TG: variants seen among roughly 807,000 people sequenced by gnomAD.
TG encodes thyroglobulin.
Under a neutral mutation model 324.7 loss-of-function variants are expected in TG, and 270 were observed. That is an observed-to-expected ratio of 0.83 (90% CI 0.75 to 0.92). TG has a LOEUF of 0.92. Among genes scored for constraint, TG ranks in the 40% least tolerant of loss-of-function variants. The probability of loss-of-function intolerance (pLI) is 0.00; values close to 1 mark genes in which losing one functional copy is unlikely to be tolerated. For synonymous variants in TG, 1,401 were observed against 1,327.0 expected (o/e 1.06, Z -1.21); for missense variants, 3,591 against 3,456.4 (o/e 1.04, Z -0.98).
intron 41 of TG, among the ~76,000 whole-genome samples, chr8:133,066,029 C>T (rs948261405): frequency 2.6e-5 from 4 of 152,004 alleles, no homozygotes; most frequent in African/African-American, 7.2e-5. Flanking sequence ...AGGAGTGAAT[C>T]GCAAGGAATG....
At chr8:133,043,680 C>T (rs1838756790) in intron 41 of TG, among the ~76,000 whole-genome samples, 1 of 152,170 alleles carries the variant, frequency 6.6e-6, no homozygotes, top group Non-Finnish European at 1.5e-5. Context: ...CTCTCCTGAG[C>T]AGCCATTTTT....
In TG at chr8:132,997,504, G is replaced by C. The variant is rs2130806675; in HGVS notation, c.6262+14092G>C. ...GAGTAAGAGTCAAGGGCAGCCCCTT[G>C]AGGAGAGGAGGAGACACTAGGAAGA... On this transcript the variant is annotated intron_variant, in intron 35 of 47. Transcript: ENST00000220616. Among the ~76,000 whole-genome samples the C allele has an allele frequency of 1.3e-5, 2 of 152,296 alleles. 1 individual carries two copies. Among genetic ancestry groups the C allele is most frequent in the African/African-American group, 4.8e-5 (2 of 41,552 alleles).
At chr8:133,129,843 T>C (rs1034015497) in intron 45 of TG, among the ~76,000 whole-genome samples, 1 of 152,158 alleles carries the variant, frequency 6.6e-6, no homozygotes, top group Non-Finnish European at 1.5e-5. Context: ...ATGGAGGATA[T>C]GAAACATCTC....
chr8:133,099,152 A>G (rs1848868796), intron 43 of TG, among the ~76,000 whole-genome samples: 1 of 152,244 alleles, frequency 6.6e-6, no homozygotes, highest in South Asian at 2.1e-4. Flanking sequence ...GGGCACCCCC[A>G]AATAGAGAAG....
At chr8:132,908,455 AG>A in intron 18 of TG, 115 bp downstream of exon 18, 1 of 730,548 alleles carries the variant, frequency 1.4e-6, no homozygotes, top group Non-Finnish European at 2.2e-6. Flanking sequence ...CCCATCTTCA[AG>A]TGTTTGCTGG....
rs2294025 is a variant in TG at position 133,133,268 on chromosome 8, G to A, written c.7998-202G>A. ...TTAACACCTTTCCTCACCCAGAAATGGCCTAGCTTTGCAGTGCTAGCTTTG... is the reference window on the plus strand; with the variant it reads ...TTAACACCTTTCCTCACCCAGAAATAGCCTAGCTTTGCAGTGCTAGCTTTG... On this transcript the variant is annotated intron_variant, in intron 46 of 47. Transcript: ENST00000220616. 0.45 allele frequency: 289,028 copies of A among 646,410 alleles called. 68,190 individuals are homozygous for A. The highest frequency in any genetic ancestry group is 0.55 in the African/African-American group (30,836 of 55,758). 40.0% of individuals were successfully genotyped at this position (646,410 alleles called of 1,614,324 possible).
chr8:132,913,940 C>T (rs779647091), intron 20 of TG, among the ~76,000 whole-genome samples: 8 of 152,188 alleles, frequency 5.3e-5, no homozygotes, highest in Admixed American at 4.6e-4. Context: ...AATCTGTTTC[C>T]TCACCTTTTC....
At chr8:133,045,979 G>A (rs1372310936) in intron 41 of TG, among the ~76,000 whole-genome samples, 1 of 152,108 alleles carries the variant, frequency 6.6e-6, no homozygotes, top group Non-Finnish European at 1.5e-5. Context: ...CAGAAATCTG[G>A]AGAAGCTGAG....
chr8:133,040,257 C>T, intron 41 of TG: 1 of 1,023,212 alleles, frequency 9.8e-7, no homozygotes, highest in Non-Finnish European at 1.4e-6. Flanking sequence ...CCTGAGATTT[C>T]AAAGGGGCAT....
In TG at chr8:133,049,353, G is replaced by A. The variant is rs1017854521; in HGVS notation, c.7239+19330G>A. Reference sequence around the variant, plus strand: ...GATTAGAATAGAGCTAATATTTATCGAGTGCTTACTGTAATGCCTGGCATT... The same window carrying A: ...GATTAGAATAGAGCTAATATTTATCAAGTGCTTACTGTAATGCCTGGCATT... On this transcript the variant is annotated intron_variant, in intron 41 of 47. Transcript: ENST00000220616. The A allele has an allele frequency of 5.2e-5, 17 of 328,916 alleles. No homozygotes were observed. The East Asian group carries it at 8.4e-4, about 16-fold the overall frequency. 20.4% of individuals were successfully genotyped at this position (328,916 alleles called of 1,614,324 possible). A position where few individuals can be genotyped will look rare whatever the true frequency, so the allele number is the denominator to read the frequency against.
intron 4 of TG, among the ~76,000 whole-genome samples, chr8:132,872,477 CAAAAA>C (rs11359047): frequency 1.4e-5 from 1 of 73,150 alleles, no homozygotes. Context: ...GACTCCGTCT[CAAAAA>C]AAAAAAAAAA....
At chr8:133,058,982 C>T (rs572381802) in intron 41 of TG, 31 of 470,184 alleles carry the variant, frequency 6.6e-5, no homozygotes, top group African/African-American at 4.6e-4. Context: ...TCAGACCACA[C>T]AAGCTGGGCC....
chr8:133,060,027 C>T lies in TG; in HGVS notation c.7239+30004C>T, dbSNP rs2703012. On this transcript the variant is annotated intron_variant, in intron 41 of 47. Coordinates refer to ENST00000220616, the MANE Select transcript of TG (RefSeq NM_003235.5). ...CCCCATTTAAGTAGTTACCGGCATC[C>T]ACCACCGCCCAGTCTTTACCACAGG... 8.7e-3 allele frequency: 12,636 copies of T among 1,458,880 alleles called. 540 individuals are homozygous for T. In the African/African-American group the frequency reaches 0.11, roughly 13 times the overall value. 90.4% of individuals were successfully genotyped at this position (1,458,880 alleles called of 1,614,324 possible).
chr8:133,008,182 C>T (rs1459850261), intron 35 of TG, among the ~76,000 whole-genome samples: 1 of 151,938 alleles, frequency 6.6e-6, no homozygotes, highest in Non-Finnish European at 1.5e-5. Flanking sequence ...TCCAAGTAAC[C>T]CAATGAAGCT....
At chr8:132,983,561 T>A in intron 35 of TG, 149 bp downstream of exon 35, 1 of 806,416 alleles carries the variant, frequency 1.2e-6, no homozygotes. Flanking sequence ...CATGTATAAG[T>A]GGGGTGAGTA....
chr8:132,935,969 C>A (rs1017096391), intron 25 of TG, 105 bp downstream of exon 25: 3 of 832,820 alleles, frequency 3.6e-6, no homozygotes, highest in African/African-American at 1.7e-5. Flanking sequence ...GACTGTCCCG[C>A]TCCCCACTCC....
intron 20 of TG, among the ~76,000 whole-genome samples, chr8:132,915,098 C>T (rs1820097981): frequency 6.6e-6 from 1 of 152,094 alleles, no homozygotes; most frequent in African/African-American, 2.4e-5. Context: ...TGTGTGTATG[C>T]ACATGTGTAT....
In TG at chr8:132,887,351, C is replaced by G; in HGVS notation, c.1979C>G (p.Thr660Arg). 1 of 1,613,686 alleles carries G rather than the reference C, an allele frequency of 6.2e-7. No homozygotes were observed. Among genetic ancestry groups the G allele is most frequent in the South Asian group, 1.1e-5 (1 of 91,060 alleles). Reference sequence around the variant, plus strand: ...AGAGGTGGACAGCCAAGGTGCCCCACAGACTGTGAAAAGCAAAGGGCTCGC... The same window carrying G: ...AGAGGTGGACAGCCAAGGTGCCCCAGAGACTGTGAAAAGCAAAGGGCTCGC... ...RVRGGQPRCP[T>R]DCEKQRARMQ... Residue 660 changes from threonine to arginine, a missense_variant, in exon 9 of 48, where the codon ACA (threonine) becomes AGA (arginine). Transcript: ENST00000220616.
intron 26 of TG, among the ~76,000 whole-genome samples, chr8:132,942,966 AG>A (rs1465758770): frequency 1.3e-5 from 2 of 152,214 alleles, no homozygotes; most frequent in African/African-American, 4.8e-5. Context: ...GGAGCTGATC[AG>A]GAAGCAGGTG....
Sources: allele counts gnomAD v4.1 joint callset (sites outside exome capture counted in the v4.1 genomes callset), GRCh38; gene constraint gnomAD v4.1.1; transcripts MANE v1.5; gene names NCBI Gene and HGNC (gene_info 2026-07-23, HGNC 2026-07-21).